Variants in PCSK2 observed in about 807,000 individuals in gnomAD.
PCSK2 encodes the protein proprotein convertase subtilisin/kexin type 2.
A neutral mutation model predicts 69.7 loss-of-function variants in PCSK2; 14 were observed. The ratio of observed to expected loss-of-function variants is 0.20; its 90% CI spans 0.13 to 0.31. The LOEUF (loss-of-function observed/expected upper bound fraction) is 0.31, where lower values mean the gene tolerates loss of function less well. Among genes scored for constraint, PCSK2 ranks in the 10% least tolerant of loss-of-function variants. The probability of loss-of-function intolerance (pLI) is 1.00; values close to 1 mark genes in which losing one functional copy is unlikely to be tolerated. For missense variants in PCSK2, 544 were observed against 842.5 expected (o/e 0.65, Z 4.39); for synonymous variants, 307 against 320.7 (o/e 0.96, Z 0.46).
chr20:17,259,871 T>G (rs1185217200), intron 1 of PCSK2, among the ~76,000 whole-genome samples: 2 of 151,912 alleles, frequency 1.3e-5, no homozygotes, highest in Non-Finnish European at 2.9e-5. Flanking sequence ...AACCAGGTGG[T>G]ACCTGGGGTA....
chr20:17,247,606 C>T (rs1289877612), intron 1 of PCSK2, among the ~76,000 whole-genome samples: 3 of 152,182 alleles, frequency 2.0e-5, no homozygotes, highest in Admixed American at 1.3e-4. Flanking sequence ...TCCGGGAAGC[C>T]TTAACTGTTC....
rs143796539 is a variant in PCSK2, at chr20:17,462,637, T to A, written c.1203-2689T>A. 8.6e-3 allele frequency among the ~76,000 whole-genome samples: 1,317 copies of A among 152,302 alleles called. 13 individuals are homozygous for A. Among genetic ancestry groups the A allele is most frequent in the Non-Finnish European group, 0.012 (842 of 68,020 alleles). On this transcript the variant is annotated intron_variant, in intron 10 of 11. Transcript: ENST00000262545. The stretch of plus-strand genomic sequence containing the variant: ...CAGCTGGTGGGGACAGGGACATCCG[T>A]CTGACATGCCCAGAGTTAGCACGAT...
chr20:17,251,587 A>G (rs989186465), intron 1 of PCSK2, among the ~76,000 whole-genome samples: 7 of 152,222 alleles, frequency 4.6e-5, no homozygotes, highest in African/African-American at 1.7e-4. Flanking sequence ...CAGTTGACAG[A>G]CAGAACCAAT....
chr20:17,358,807 G>A (rs1193489110), intron 3 of PCSK2, among the ~76,000 whole-genome samples: 1 of 152,156 alleles, frequency 6.6e-6, no homozygotes, highest in African/African-American at 2.4e-5. Flanking sequence ...GAGTAACAGG[G>A]GACATAATGA....
chr20:17,359,216 C>T (rs944874177), intron 3 of PCSK2, among the ~76,000 whole-genome samples: 3 of 152,200 alleles, frequency 2.0e-5, no homozygotes, highest in Non-Finnish European at 2.9e-5. Flanking sequence ...TGGACGGCTA[C>T]ATTACAGGAA....
chr20:17,482,082 C>G lies in PCSK2; in HGVS notation c.*12C>G, dbSNP rs371883967. The G allele has an allele frequency of 6.5e-7, 1 of 1,541,310 alleles. No individual in the cohort carries two copies. Among genetic ancestry groups the G allele is most frequent in the Non-Finnish European group, 8.7e-7 (1 of 1,145,708 alleles). On this transcript the variant is annotated 3_prime_UTR_variant, in exon 12 of 12. Transcript: ENST00000262545. Reference sequence around the variant, plus strand: ...TTAACAAGAACTAGCGCTGCACATCCGCCTTTCCCACCGCCCTCCCTCCCC... The same window carrying G: ...TTAACAAGAACTAGCGCTGCACATCGGCCTTTCCCACCGCCCTCCCTCCCC...
chr20:17,316,590 G>A (rs547751646), intron 2 of PCSK2, among the ~76,000 whole-genome samples: 1 of 152,204 alleles, frequency 6.6e-6, no homozygotes, highest in Non-Finnish European at 1.5e-5. Context: ...TAGAGTGCTG[G>A]CAACCCAGAA....
At chr20:17,294,108 T>TC (rs1473372491) in intron 2 of PCSK2, among the ~76,000 whole-genome samples, 1 of 140,082 alleles carries the variant, frequency 7.1e-6, no homozygotes, top group South Asian at 2.4e-4. Flanking sequence ...CTTTTTTTTT[T>TC]TTTTTTTTTT....
intron 2 of PCSK2, among the ~76,000 whole-genome samples, chr20:17,304,044 T>C (rs1313251476): frequency 6.6e-6 from 1 of 151,248 alleles, no homozygotes; most frequent in Non-Finnish European, 1.5e-5. Flanking sequence ...CAATTCATGA[T>C]TATCCAACTG....
At chr20:17,353,916 G>A (rs1386642788) in intron 2 of PCSK2, among the ~76,000 whole-genome samples, 1 of 152,072 alleles carries the variant, frequency 6.6e-6, no homozygotes, top group East Asian at 1.9e-4. Flanking sequence ...CAAATACCAG[G>A]AGTCCTCACT....
At chr20:17,383,113 C>G (rs923275143) in intron 5 of PCSK2, among the ~76,000 whole-genome samples, 3 of 152,166 alleles carry the variant, frequency 2.0e-5, no homozygotes, top group African/African-American at 7.2e-5. Context: ...ATGGCTGGAA[C>G]CAAGTGAGTG....
chr20:17,241,040 G>A (rs907131386), intron 1 of PCSK2, among the ~76,000 whole-genome samples: 6 of 152,242 alleles, frequency 3.9e-5, no homozygotes, highest in Non-Finnish European at 8.8e-5. Context: ...GGATCAGTTC[G>A]CGCTGATTAC....
At chr20:17,258,615 T>C (rs1987265715) in intron 1 of PCSK2, among the ~76,000 whole-genome samples, 1 of 152,154 alleles carries the variant, frequency 6.6e-6, no homozygotes, top group South Asian at 2.1e-4. Context: ...ATATGTACCA[T>C]AAACCCCATG....
At chr20:17,451,180 A>G (rs1264789491) in intron 8 of PCSK2, among the ~76,000 whole-genome samples, 1 of 152,266 alleles carries the variant, frequency 6.6e-6, no homozygotes, top group African/African-American at 2.4e-5. Context: ...CTCATGGTTT[A>G]AAACAAAATT....
At chr20:17,246,896 GA>G (rs1181488942) in intron 1 of PCSK2, among the ~76,000 whole-genome samples, 1 of 151,842 alleles carries the variant, frequency 6.6e-6, no homozygotes, top group Non-Finnish European at 1.5e-5. Context: ...TGATAATTAA[GA>G]AATAAAATCA....
chr20:17,472,477 G>A (rs1244741946), intron 11 of PCSK2, among the ~76,000 whole-genome samples: 1 of 152,254 alleles, frequency 6.6e-6, no homozygotes, highest in Non-Finnish European at 1.5e-5. Context: ...TCATGTGACT[G>A]CCACAAAAGC....
intron 11 of PCSK2, among the ~76,000 whole-genome samples, chr20:17,473,715 C>G (rs2033243668): frequency 6.6e-6 from 1 of 152,186 alleles, no homozygotes; most frequent in African/African-American, 2.4e-5. Flanking sequence ...TTCCTAGGCT[C>G]TCCCAATGCC....
At chr20:17,433,293 A>G (rs2032405703) in intron 7 of PCSK2, among the ~76,000 whole-genome samples, 1 of 152,238 alleles carries the variant, frequency 6.6e-6, no homozygotes, top group Non-Finnish European at 1.5e-5. Flanking sequence ...GCAGATAAAC[A>G]TATTTTATCT....
At chr20:17,364,065 C>T (rs1430662330) in intron 4 of PCSK2, among the ~76,000 whole-genome samples, 3 of 151,540 alleles carry the variant, frequency 2.0e-5, no homozygotes, top group East Asian at 3.9e-4. Flanking sequence ...TGCAGCACAC[C>T]AACATGGCAC....
Sources: gnomAD v4.1 joint callset for allele counts (sites outside exome capture counted in the v4.1 genomes callset) on GRCh38, gnomAD v4.1.1 for gene constraint, MANE v1.5 for transcripts, NCBI Gene and HGNC (gene_info 2026-07-23, HGNC 2026-07-21) for gene names.